Variants in SAPCD2 observed in about 807,000 individuals in gnomAD.
SAPCD2 encodes the protein suppressor APC domain containing 2.
A neutral mutation model predicts 37.8 loss-of-function variants in SAPCD2; 34 were observed. That is an observed-to-expected ratio of 0.90 (90% CI 0.68 to 1.20). SAPCD2 has a LOEUF of 1.20. Among genes scored for constraint, SAPCD2 ranks in the 50% most tolerant of loss-of-function variants. The probability of loss-of-function intolerance (pLI) is 0.00; values close to 1 mark genes in which losing one functional copy is unlikely to be tolerated. For missense variants in SAPCD2, 572 were observed against 584.7 expected (o/e 0.98, Z 0.22); for synonymous variants, 275 against 270.3 (o/e 1.02, Z -0.17).
rs1832611369 is a variant in SAPCD2 at position 137,070,491 on chromosome 9, C to G, written c.-31G>C. ...CCCGGGATCGGTCCCCTCGTCCACC[C>G]GCGTGCGTCCCAGCGCGGCCCCACG... On this transcript the variant is annotated 5_prime_UTR_variant, in exon 1 of 6. Transcript: ENST00000409687. The G allele has an allele frequency of 8.4e-7, 1 of 1,195,996 alleles. No individual in the cohort carries two copies. Among genetic ancestry groups the G allele is most frequent in the Non-Finnish European group, 1.0e-6 (1 of 961,978 alleles). The allele number at this position is 1,195,996 out of a possible 1,614,324, so 74.1% of individuals were successfully genotyped here.
rs966997511 is a variant in SAPCD2 at position 137,065,173 on chromosome 9, C to T, written c.844G>A (p.Ala282Thr). 9 of 1,478,010 alleles carry T rather than the reference C, an allele frequency of 6.1e-6. No homozygotes were observed. Among genetic ancestry groups the T allele is most frequent in the African/African-American group, 1.4e-5 (1 of 70,902 alleles). 91.6% of individuals were successfully genotyped at this position (1,478,010 alleles called of 1,614,324 possible). ...CGCCCCAGTGGGCGGGGGCTCCCTGCAGCCCCAAAGTCCTGGGAAGAAAGC... is the reference window on the plus strand; with the variant it reads ...CGCCCCAGTGGGCGGGGGCTCCCTGTAGCCCCAAAGTCCTGGGAAGAAAGC... ...QSRASADFGAAGSPRPLGRLL... is the reference protein window; with the variant it reads ...QSRASADFGATGSPRPLGRLL... The change falls in exon 4 of 6, where the codon GCA (alanine) becomes ACA (threonine). Residue 282 changes from alanine (A) to threonine (T), a missense_variant. Ala to Thr is a moderately conservative substitution (Grantham distance 58). Coordinates refer to ENST00000409687, the MANE Select transcript of SAPCD2 (RefSeq NM_178448.4).
intron 3 of SAPCD2, 139 bp downstream of exon 3, chr9:137,065,383 G>C (rs1357311960): frequency 1.2e-5 from 14 of 1,166,338 alleles, no homozygotes; most frequent in Non-Finnish European, 1.6e-5. Context: ...CACAGGCGGA[G>C]AAAGGGATGT....
intron 3 of SAPCD2, 96 bp downstream of exon 3, chr9:137,065,426 T>C (rs1832529360): frequency 2.9e-6 from 4 of 1,394,518 alleles, no homozygotes; most frequent in Non-Finnish European, 3.8e-6. Context: ...ACAGCCACTG[T>C]GTCCGGGAAT....
At chr9:137,066,210 T>A in intron 2 of SAPCD2, 52 bp downstream of exon 2, 1 of 1,451,066 alleles carries the variant, frequency 6.9e-7, no homozygotes, top group African/African-American at 1.4e-5. Context: ...CATCCCGGCC[T>A]CCAGCCTCCA....
Position 137,070,028 on chromosome 9 carries a change from G to T in SAPCD2, c.433C>A (p.Arg145Ser). 8.3e-7 allele frequency: 1 copy of T among 1,202,992 alleles called. No homozygotes were observed. The allele number at this position is 1,202,992 out of a possible 1,614,324, so 74.5% of individuals were successfully genotyped here. The change falls in exon 1 of 6, where the codon CGC becomes AGC. Residue 145 changes from arginine to serine, a missense_variant. Coordinates refer to ENST00000409687, the MANE Select transcript of SAPCD2 (RefSeq NM_178448.4). ...LERKPLPLGVRAPLAGPSAAA... is the reference protein window; with the variant it reads ...LERKPLPLGVSAPLAGPSAAA... The stretch of plus-strand genomic sequence containing the variant: ...GCGCTGGGACCGGCCAGAGGGGCGC[G>T]CACGCCCAGGGGCAGGGGCTTCCTC...
At position 137,070,305 on chromosome 9, in the gene SAPCD2, G is replaced by A; in HGVS notation, c.156C>T (p.Ile52=). ...CGTCGGTGCCCTGCCAGCGGGACTCGATCTCGCGCAGGTGCACGCAGCCGC... is the reference window on the plus strand; with the variant it reads ...CGTCGGTGCCCTGCCAGCGGGACTCAATCTCGCGCAGGTGCACGCAGCCGC... ...RRRGCVHLRE[I]ESRWQGTDAR... is the part of the protein sequence containing the mutation. Residue 52 remains isoleucine (I), a synonymous_variant, in exon 1 of 6, where the codon ATC becomes ATT. Transcript: ENST00000409687. The A allele has an allele frequency of 1.4e-6, 2 of 1,480,644 alleles. No individual in the cohort carries two copies. The highest frequency in any genetic ancestry group is 1.8e-6 in the Non-Finnish European group (2 of 1,119,174). The allele number at this position is 1,480,644 out of a possible 1,614,324, so 91.7% of individuals were successfully genotyped here.
At position 137,064,786 on chromosome 9, in the gene SAPCD2, T is replaced by C; in HGVS notation, c.1058A>G (p.Glu353Gly). 2 of 1,593,936 alleles carry C rather than the reference T, an allele frequency of 1.3e-6. No homozygotes were observed. The highest frequency in any genetic ancestry group is 1.7e-5 in the Admixed American group (1 of 57,936). Residue 353 changes from glutamate (E) to glycine (G), a missense_variant and splice_region_variant, in exon 6 of 6, where the codon GAG (glutamate) becomes GGG (glycine). Physicochemically the swap from Glu to Gly is moderately conservative, Grantham distance 98. Transcript: ENST00000409687. ...GATGCGCTCACTCTTCTCGGTCACC[T>C]CCTGGGCAGGTGCACAGTTGGTCAA... The part of the protein sequence containing the change: ...LKEQNRLLTQ[E>G]VTEKSERITQ...
At position 137,065,075 on chromosome 9, in the gene SAPCD2, C is replaced by A; in HGVS notation, c.939+3G>T. Reference sequence around the variant, plus strand: ...TGGGTGTGGGGGTTTGGGGTACACTCACCCGGCTGGCACAGGCTGCAGCCA... The same window carrying A: ...TGGGTGTGGGGGTTTGGGGTACACTAACCCGGCTGGCACAGGCTGCAGCCA... On this transcript the variant is annotated splice_donor_region_variant and intron_variant, in intron 4 of 5. Coordinates refer to ENST00000409687, the MANE Select transcript of SAPCD2 (RefSeq NM_178448.4). The A allele has an allele frequency of 8.5e-6, 13 of 1,522,818 alleles. No individual in the cohort carries two copies. Among genetic ancestry groups the A allele is most frequent in the Non-Finnish European group, 1.1e-5 (12 of 1,133,802 alleles). The allele number at this position is 1,522,818 out of a possible 1,614,324, so 94.3% of individuals were successfully genotyped here.
Position 137,070,120 on chromosome 9 carries a change from T to C in SAPCD2, c.341A>G (p.Asp114Gly). 1 of 1,191,704 alleles carries C rather than the reference T, an allele frequency of 8.4e-7. No homozygotes were observed. Among genetic ancestry groups the C allele is most frequent in the Non-Finnish European group, 1.0e-6 (1 of 963,704 alleles). The allele number at this position is 1,191,704 out of a possible 1,614,324, so 73.8% of individuals were successfully genotyped here. A position where few individuals can be genotyped will look rare whatever the true frequency, so the allele number is the denominator to read the frequency against. ...DPTRAPARPG[D>G]QPPPPPQRLV... ...GCGCTGCGGCGGCGGCGGCGGCTGA[T>C]CCCCGGGCCGGGCCGGGGCGCGCGT... Residue 114 changes from aspartate to glycine, a missense_variant, in exon 1 of 6, where the codon GAT (aspartate) becomes GGT (glycine). Asp to Gly is a moderately conservative substitution (Grantham distance 94, BLOSUM62 -1). Coordinates refer to ENST00000409687, the MANE Select transcript of SAPCD2 (RefSeq NM_178448.4).
rs1832492487 is a variant in SAPCD2 at position 137,063,502 on chromosome 9, C to T, written c.*1157G>A. On this transcript the variant is annotated 3_prime_UTR_variant, in exon 6 of 6. Coordinates refer to ENST00000409687, the MANE Select transcript of SAPCD2 (RefSeq NM_178448.4). The stretch of plus-strand genomic sequence containing the variant: ...CCCTGCGCCCCACACACACTGACCC[C>T]GCATCGGCATCGGGGGCCCTGCGCC... 3.0e-5 allele frequency: 2 copies of T among 66,778 alleles called. No individual in the cohort carries two copies. The highest frequency in any genetic ancestry group is 2.1e-4 in the African/African-American group (2 of 9,712). The allele number at this position is 66,778 out of a possible 1,614,324, so 4.1% of individuals were successfully genotyped here.
At position 137,065,167 on chromosome 9, in the gene SAPCD2, T is replaced by C. The variant is rs1024679372; in HGVS notation, c.850A>G (p.Ser284Gly). The change falls in exon 4 of 6, where the codon AGC (serine) becomes GGC (glycine). Residue 284 changes from serine (S) to glycine (G), a missense_variant. By Grantham distance (56) the Ser-to-Gly change is moderately conservative (BLOSUM62 0). Coordinates refer to ENST00000409687, the MANE Select transcript of SAPCD2 (RefSeq NM_178448.4). ...RASADFGAAG[S>G]PRPLGRLLPK... Reference sequence around the variant, plus strand: ...AGTAGCCGCCCCAGTGGGCGGGGGCTCCCTGCAGCCCCAAAGTCCTGGGAA... The same window carrying C: ...AGTAGCCGCCCCAGTGGGCGGGGGCCCCCTGCAGCCCCAAAGTCCTGGGAA... 3.4e-6 allele frequency: 5 copies of C among 1,487,220 alleles called. No homozygotes were observed. Among genetic ancestry groups the C allele is most frequent in the Non-Finnish European group, 4.5e-6 (5 of 1,120,284 alleles). The allele number at this position is 1,487,220 out of a possible 1,614,324, so 92.1% of individuals were successfully genotyped here. A position where few individuals can be genotyped will look rare whatever the true frequency, so the allele number is the denominator to read the frequency against.
Position 137,065,169 on chromosome 9 carries a change from C to T in SAPCD2, c.848G>A (p.Gly283Glu). ...TAGCCGCCCCAGTGGGCGGGGGCTC[C>T]CTGCAGCCCCAAAGTCCTGGGAAGA... is the stretch of plus-strand genomic sequence containing the variant. ...SRASADFGAA[G>E]SPRPLGRLLP... is the part of the protein sequence containing the mutation. The change falls in exon 4 of 6, where the codon GGG becomes GAG. Residue 283 changes from glycine (G) to glutamate (E), a missense_variant. Transcript: ENST00000409687. The T allele has an allele frequency of 6.7e-7, 1 of 1,482,718 alleles. No individual in the cohort carries two copies. The highest frequency in any genetic ancestry group is 8.9e-7 in the Non-Finnish European group (1 of 1,118,578). The allele number at this position is 1,482,718 out of a possible 1,614,324, so 91.8% of individuals were successfully genotyped here.
intron 3 of SAPCD2, 37 bp downstream of exon 3, chr9:137,065,485 A>G (rs2131528469): frequency 6.4e-7 from 1 of 1,557,278 alleles, no homozygotes; most frequent in Non-Finnish European, 8.7e-7. Flanking sequence ...TGGGGTCCCC[A>G]TGTGTGGGGA....
chr9:137,068,988 G>A lies in SAPCD2; in HGVS notation c.571+902C>T, dbSNP rs181597152. Among the ~76,000 whole-genome samples the A allele has an allele frequency of 3.1e-3, 468 of 152,386 alleles. 2 individuals are homozygous for A. Among genetic ancestry groups the A allele is most frequent in the African/African-American group, 9.6e-3 (401 of 41,598 alleles). On this transcript the variant is annotated intron_variant, in intron 1 of 5. Transcript: ENST00000409687. ...CTGTAGGGCTGGAGAATATGGCTGA[G>A]GTGGGGGAGCAGTACAGGGAGGGTG... is the stretch of plus-strand genomic sequence containing the variant.
In SAPCD2 at chr9:137,070,537, T is replaced by G; in HGVS notation, c.-77A>C. On this transcript the variant is annotated 5_prime_UTR_variant, in exon 1 of 6. Transcript: ENST00000409687. Reference sequence around the variant, plus strand: ...CCACGGAGGGGCCGGCCCGGCGAGCTCAGCCCACGGCGACAATAGCGACTA... The same window carrying G: ...CCACGGAGGGGCCGGCCCGGCGAGCGCAGCCCACGGCGACAATAGCGACTA... 1 of 965,900 alleles carries G rather than the reference T, an allele frequency of 1.0e-6. No individual in the cohort carries two copies. The highest frequency in any genetic ancestry group is 1.3e-6 in the Non-Finnish European group (1 of 755,740). The allele number at this position is 965,900 out of a possible 1,614,324, so 59.8% of individuals were successfully genotyped here. A position where few individuals can be genotyped will look rare whatever the true frequency, so the allele number is the denominator to read the frequency against.
Position 137,066,324 on chromosome 9 carries a change from C to T in SAPCD2, c.622G>A (p.Ala208Thr). 1 of 1,609,984 alleles carries T rather than the reference C, an allele frequency of 6.2e-7. No homozygotes were observed. Among genetic ancestry groups the T allele is most frequent in the Non-Finnish European group, 8.5e-7 (1 of 1,179,038 alleles). ...LEADSGDARR[A>T]PRARGERRRH... ...CGACGTTCCCCTCGGGCACGGGGAG[C>T]CCGCCGGGCATCCCCTGAGTCCGCC... The change falls in exon 2 of 6, where the codon GCT becomes ACT. Residue 208 changes from alanine to threonine, a missense_variant. Coordinates refer to ENST00000409687, the MANE Select transcript of SAPCD2 (RefSeq NM_178448.4).
rs954331308 is a variant in SAPCD2 at position 137,064,402 on chromosome 9, C to T, written c.*257G>A. The T allele has an allele frequency of 8.6e-5, 48 of 558,880 alleles. No individual in the cohort carries two copies. The Admixed American group carries it at 1.3e-3, about 15-fold the overall frequency. 34.6% of individuals were successfully genotyped at this position (558,880 alleles called of 1,614,324 possible). The stretch of plus-strand genomic sequence containing the variant: ...CCACTGACAGCGGCAGTAGTAGCTG[C>T]GGACTATGCGGACTCAAGAGAGCCC... On this transcript the variant is annotated 3_prime_UTR_variant, in exon 6 of 6. Transcript: ENST00000409687.
Position 137,064,883 on chromosome 9 carries a change from G to T in SAPCD2, c.1036C>A (p.Gln346Lys). The T allele has an allele frequency of 6.4e-7, 1 of 1,563,176 alleles. No homozygotes were observed. The change falls in exon 5 of 6, where the codon CAG (glutamine) becomes AAG (lysine). Residue 346 changes from glutamine (Q) to lysine (K), a missense_variant. Coordinates refer to ENST00000409687, the MANE Select transcript of SAPCD2 (RefSeq NM_178448.4). ...QQQTILMLKEQNRLLTQEVTE... is the reference protein window; with the variant it reads ...QQQTILMLKEKNRLLTQEVTE... ...CCTACCTGGGTGAGGAGTCGGTTCT[G>T]CTCCTTCAGCATGAGGATGGTCTGC...
In SAPCD2 at chr9:137,066,424, G is replaced by A. The variant is rs990273315; in HGVS notation, c.572-50C>T. 6.3e-6 allele frequency: 9 copies of A among 1,436,310 alleles called. No individual in the cohort carries two copies. In the African/African-American group the frequency reaches 1.3e-4, roughly 20 times the overall value. The allele number at this position is 1,436,310 out of a possible 1,614,324, so 89.0% of individuals were successfully genotyped here. A position where few individuals can be genotyped will look rare whatever the true frequency, so the allele number is the denominator to read the frequency against. On this transcript the variant is annotated intron_variant, in intron 1 of 5. Transcript: ENST00000409687. ...GCTCACCTCCAGACCTGCCTGGCCA[G>A]GCTCTGCTGAGGTGCAGCGGCCTCC...
Sources: allele counts gnomAD v4.1 joint callset (sites outside exome capture counted in the v4.1 genomes callset), GRCh38; gene constraint gnomAD v4.1.1; transcripts MANE v1.5; gene names NCBI Gene and HGNC (gene_info 2026-07-23, HGNC 2026-07-21).